REV3L: variants seen among roughly 807,000 people sequenced by gnomAD.
REV3L encodes REV3 like, DNA directed polymerase zeta catalytic subunit.
REV3L carries 69 observed loss-of-function variants against 299.4 expected under a neutral mutation model. The observed-to-expected ratio is 0.23, with a 90% CI of 0.19 to 0.28. The LOEUF (loss-of-function observed/expected upper bound fraction) is 0.28, where lower values mean the gene tolerates loss of function less well. REV3L is among the 10% of genes least tolerant of loss of function. The probability of loss-of-function intolerance (pLI) is 1.00; values close to 1 mark genes in which losing one functional copy is unlikely to be tolerated. For synonymous variants in REV3L, 1,238 were observed against 1,271.4 expected (o/e 0.97, Z 0.56); for missense variants, 3,128 against 3,693.8 (o/e 0.85, Z 3.97).
intron 16 of REV3L, 110 bp downstream of exon 16, chr6:111,363,743 T>C (rs1260942558): frequency 6.1e-6 from 6 of 979,436 alleles, no homozygotes; most frequent in East Asian, 2.6e-5. Flanking sequence ...ATTAATAGGA[T>C]AGAATTCAAT....
Position 111,389,204 on chromosome 6 carries a change from A to C in REV3L, c.764T>G (p.Ile255Ser), listed in dbSNP as rs1432176781. 2 of 1,612,818 alleles carry C rather than the reference A, an allele frequency of 1.2e-6. No individual in the cohort carries two copies. Among genetic ancestry groups the C allele is most frequent in the South Asian group, 2.2e-5 (2 of 90,970 alleles). Residue 255 changes from isoleucine to serine, a missense_variant, in exon 7 of 32, where the codon ATT becomes AGT. Around this residue, in one of 9 missense-constraint regions of REV3L, gnomAD observed 2,409 missense variants for 2,611.8 expected, o/e 0.92. Transcript: ENST00000368802. Reference protein sequence around the residue: ...ILNRLDIEAQIGGNPGLQAIW... With the variant: ...ILNRLDIEAQSGGNPGLQAIW... Reference sequence around the variant, plus strand: ...GGCCTGTAGACCAGGGTTTCCACCAATTTGAGCTGTAATCACAATAATACT... The same window carrying C: ...GGCCTGTAGACCAGGGTTTCCACCACTTTGAGCTGTAATCACAATAATACT...
chr6:111,417,494 T>C (rs919148843), intron 1 of REV3L, among the ~76,000 whole-genome samples: 10 of 152,144 alleles, frequency 6.6e-5, no homozygotes, highest in Non-Finnish European at 1.2e-4. Flanking sequence ...TCACCCGCTC[T>C]CACTGTGCTG....
At chr6:111,321,654 A>G (rs543341236) in intron 26 of REV3L, among the ~76,000 whole-genome samples, 1 of 152,322 alleles carries the variant, frequency 6.6e-6, no homozygotes, top group East Asian at 1.9e-4. Flanking sequence ...ATTCAGCATT[A>G]ATATGATTAT....
intron 4 of REV3L, 72 bp from the exon 5 acceptor site, chr6:111,393,044 T>G (rs1334450205): frequency 9.7e-7 from 1 of 1,026,250 alleles, no homozygotes. Context: ...GAAGGTAAAT[T>G]TTTTTTTTTT....
chr6:111,331,929 T>G (rs941034768), intron 23 of REV3L, 145 bp from the exon 24 acceptor site: 7 of 588,612 alleles, frequency 1.2e-5, no homozygotes, highest in African/African-American at 1.2e-4. Context: ...ATATGTTTAT[T>G]TGCCTCATTA....
intron 22 of REV3L, among the ~76,000 whole-genome samples, chr6:111,334,863 C>T (rs1775755113): frequency 1.3e-5 from 2 of 152,074 alleles, no homozygotes; most frequent in South Asian, 2.1e-4. Flanking sequence ...GATTTTACAA[C>T]GTTAAGGAAT....
At chr6:111,336,964 AAATTTATTTG>A (rs1311385774) in intron 21 of REV3L, among the ~76,000 whole-genome samples, 6 of 152,148 alleles carry the variant, frequency 3.9e-5, no homozygotes, top group Non-Finnish European at 8.8e-5. Context: ...GAGGACAGTC[AAATTTATTTG>A]GGAAAATTAG....
intron 6 of REV3L, among the ~76,000 whole-genome samples, chr6:111,389,544 T>G (rs1009184885): frequency 6.6e-6 from 1 of 152,210 alleles, no homozygotes; most frequent in East Asian, 1.9e-4. Flanking sequence ...TTATTTAGTG[T>G]CACACTTATT....
intron 1 of REV3L, among the ~76,000 whole-genome samples, chr6:111,468,056 CTCCTTG>C (rs1791719776): frequency 6.6e-6 from 1 of 152,144 alleles, no homozygotes; most frequent in African/African-American, 2.4e-5. Flanking sequence ...TATGATCCTA[CTCCTTG>C]GACTGCCCGG....
chr6:111,374,116 T>C lies in REV3L; in HGVS notation c.4239A>G (p.Gln1413=). 1 of 1,614,160 alleles carries C rather than the reference T, an allele frequency of 6.2e-7. No homozygotes were observed. Among genetic ancestry groups the C allele is most frequent in the Admixed American group, 1.7e-5 (1 of 60,018 alleles). ...AATGCAAAAAATTAGGGGTATATGC[T>C]TGGTCCAGCTTTGATTCTAGGGAAT... ...YRNSLESKLD[Q]AYTPNFLHCK... Residue 1413 remains glutamine (Q), a synonymous_variant, in exon 13 of 32, where the codon CAA becomes CAG. Coordinates refer to ENST00000368802, the MANE Select transcript of REV3L (RefSeq NM_001372078.1).
At position 111,300,009 on chromosome 6, in the gene REV3L, T is replaced by C; in HGVS notation, c.*7A>G. On this transcript the variant is annotated 3_prime_UTR_variant, in exon 32 of 32. Coordinates refer to ENST00000368802, the MANE Select transcript of REV3L (RefSeq NM_001372078.1). ...AATAGCACCTGTAATACTGTGATAT[T>C]GACAATTTAAAACTGGTCTAATAAC... is the stretch of plus-strand genomic sequence containing the variant. 4 of 1,610,508 alleles carry C rather than the reference T, an allele frequency of 2.5e-6. No individual in the cohort carries two copies. The highest frequency in any genetic ancestry group is 2.5e-6 in the Non-Finnish European group (3 of 1,178,642).
In REV3L at chr6:111,374,584, G is replaced by A. The variant is rs1387604907; in HGVS notation, c.3771C>T (p.Gly1257=). The A allele has an allele frequency of 6.8e-6, 11 of 1,613,818 alleles. No homozygotes were observed. Among genetic ancestry groups the A allele is most frequent in the Non-Finnish European group, 8.5e-6 (10 of 1,179,906 alleles). The change falls in exon 13 of 32, where the codon GGC becomes GGT. Residue 1257 remains glycine, a synonymous_variant. Coordinates refer to ENST00000368802, the MANE Select transcript of REV3L (RefSeq NM_001372078.1). ...CTTTCTGTTTAAAAAGTAGTTGAGA[G>A]CCTCCAGAACTACTTGCAAATTCAG... is the stretch of plus-strand genomic sequence containing the variant. The part of the protein sequence containing the change: ...NVSEFASSSG[G]SQLLFKQKDM...
chr6:111,358,704 A>C, intron 17 of REV3L, 118 bp downstream of exon 17: 1 of 748,938 alleles, frequency 1.3e-6, no homozygotes, highest in East Asian at 2.7e-5. Context: ...CTACCTCAGC[A>C]AACATTTTAG....
At chr6:111,464,476 G>T (rs951503375) in intron 1 of REV3L, among the ~76,000 whole-genome samples, 1 of 152,042 alleles carries the variant, frequency 6.6e-6, no homozygotes, top group Non-Finnish European at 1.5e-5. Context: ...CCAAAGAAAA[G>T]AATCTGTGAT....
At chr6:111,418,046 A>G (rs544001233) in intron 1 of REV3L, among the ~76,000 whole-genome samples, 1 of 152,348 alleles carries the variant, frequency 6.6e-6, no homozygotes, top group Admixed American at 6.5e-5. Flanking sequence ...CAATTTACTG[A>G]TGACTTACTT....
At chr6:111,346,459 T>C (rs1401688160) in intron 20 of REV3L, among the ~76,000 whole-genome samples, 1 of 152,200 alleles carries the variant, frequency 6.6e-6, no homozygotes, top group Non-Finnish European at 1.5e-5. Flanking sequence ...CTAGTACTTG[T>C]ATATTAAAAA....
At chr6:111,303,195 AGC>A (rs1170897964) in intron 31 of REV3L, among the ~76,000 whole-genome samples, 41 of 92,070 alleles carry the variant, frequency 4.5e-4, no homozygotes, top group South Asian at 1.5e-3. Flanking sequence ...GATGAGAGAG[AGC>A]GTCTCATTCT....
chr6:111,479,820 C>T (rs1000630658), intron 1 of REV3L, among the ~76,000 whole-genome samples: 2 of 152,072 alleles, frequency 1.3e-5, no homozygotes, highest in Non-Finnish European at 2.9e-5. Context: ...CCTGAATATC[C>T]CTCTTTTTAA....
intron 1 of REV3L, among the ~76,000 whole-genome samples, chr6:111,438,718 AC>A (rs1787887558): frequency 6.6e-6 from 1 of 152,160 alleles, no homozygotes; most frequent in African/African-American, 2.4e-5. Context: ...TTTTCTTAGG[AC>A]TATGTTTAAT....
Sources: gnomAD v4.1 joint callset for allele counts (sites outside exome capture counted in the v4.1 genomes callset) on GRCh38, gnomAD v4.1.1 for gene constraint, gnomAD v4.1.1 regional missense constraint, MANE v1.5 for transcripts, NCBI Gene and HGNC (gene_info 2026-07-23, HGNC 2026-07-21) for gene names.